Variants in ZNF536 observed in about 807,000 individuals in gnomAD.
The protein encoded by ZNF536 is zinc finger protein 536.
Under a neutral mutation model 84.5 loss-of-function variants are expected in ZNF536, and 13 were observed. The ratio of observed to expected loss-of-function variants is 0.15; its 90% confidence interval spans 0.10 to 0.24. ZNF536 has a LOEUF of 0.24. Among genes scored for constraint, ZNF536 ranks in the 10% least tolerant of loss-of-function variants. The pLI is 1.00. For synonymous variants in ZNF536, 811 were observed against 742.5 expected (o/e 1.09, Z -1.50); for missense variants, 1,536 against 1,747.5 (o/e 0.88, Z 2.16).
chr19:30,415,314 C>CCTT (rs893357793), intron 1 of ZNF536, among the ~76,000 whole-genome samples: 7 of 133,890 alleles, frequency 5.2e-5, no homozygotes, highest in African/African-American at 1.9e-4. Context: ...TTCTCCTTCT[C>CCTT]CTTCTTCTTC....
At chr19:30,513,634 C>A (rs553122326) in intron 2 of ZNF536, among the ~76,000 whole-genome samples, 1 of 152,164 alleles carries the variant, frequency 6.6e-6, no homozygotes, top group South Asian at 2.1e-4. Flanking sequence ...ATGAACCAGG[C>A]TACAACAGGG....
chr19:30,324,818 A>G (rs1397811843), intron 2 of ZNF536, among the ~76,000 whole-genome samples: 1 of 152,126 alleles, frequency 6.6e-6, no homozygotes, highest in Non-Finnish European at 1.5e-5. Flanking sequence ...CTCCCCTGAT[A>G]TTTATATACA....
intron 2 of ZNF536, among the ~76,000 whole-genome samples, chr19:30,302,938 A>G (rs962749022): frequency 6.6e-6 from 1 of 152,118 alleles, no homozygotes. Flanking sequence ...CCCCTGCTGA[A>G]CTATAAACTC....
intron 2 of ZNF536, among the ~76,000 whole-genome samples, chr19:30,289,567 A>G (rs544182085): frequency 1.7e-4 from 26 of 152,288 alleles, no homozygotes; most frequent in African/African-American, 6.0e-4. Flanking sequence ...CATGGGATGC[A>G]AGGGTTAGCT....
chr19:30,227,271 C>G (rs2022665669), upstream of ZNF536, among the ~76,000 whole-genome samples: 1 of 152,084 alleles, frequency 6.6e-6, no homozygotes, highest in Non-Finnish European at 1.5e-5. Context: ...TAAGTCCCCC[C>G]CTTTTCACTT....
chr19:30,558,248 T>C (rs2046034321), downstream of ZNF536, among the ~76,000 whole-genome samples: 1 of 152,094 alleles, frequency 6.6e-6, no homozygotes, highest in Non-Finnish European at 1.5e-5. Context: ...TAACAATTCA[T>C]AAACATGCAA....
intron 2 of ZNF536, among the ~76,000 whole-genome samples, chr19:30,482,021 T>C (rs2054110040): frequency 6.6e-6 from 1 of 152,260 alleles, no homozygotes; most frequent in Admixed American, 6.5e-5. Flanking sequence ...TGAGTAGTAT[T>C]CCATGGTGTA....
chr19:30,574,118 C>T (rs1053862159), intron 1 of ZNF536, among the ~76,000 whole-genome samples: 1 of 152,184 alleles, frequency 6.6e-6, no homozygotes, highest in African/African-American at 2.4e-5. Flanking sequence ...ATACTAGCTG[C>T]AATAGTATCT....
intron 2 of ZNF536, among the ~76,000 whole-genome samples, chr19:30,307,502 TCTAAC>T (rs2146030163): frequency 6.6e-6 from 1 of 152,280 alleles, no homozygotes; most frequent in South Asian, 2.1e-4. Flanking sequence ...TAAGGAGAGC[TCTAAC>T]AGAGGGTATG....
At chr19:30,656,398 A>G (rs977905668) in intron 1 of ZNF536, among the ~76,000 whole-genome samples, 1 of 152,234 alleles carries the variant, frequency 6.6e-6, no homozygotes, top group Non-Finnish European at 1.5e-5. Context: ...TTAAAACAAT[A>G]TGAAAACTCT....
intron 3 of ZNF536, among the ~76,000 whole-genome samples, chr19:30,361,364 CT>C (rs149691531): frequency 9.3e-5 from 14 of 149,994 alleles, no homozygotes; most frequent in East Asian, 3.9e-4. Context: ...CTTTTCTTTT[CT>C]TTTTTTTTAA....
intron 1 of ZNF536, among the ~76,000 whole-genome samples, chr19:30,388,509 C>T (rs192935141): frequency 3.9e-5 from 6 of 152,282 alleles, no homozygotes; most frequent in Admixed American, 1.3e-4. Context: ...GACCACCCAG[C>T]GGTGGCCATG....
chr19:30,480,155 G>A (rs1475938860), intron 2 of ZNF536, among the ~76,000 whole-genome samples: 2 of 152,166 alleles, frequency 1.3e-5, no homozygotes, highest in Non-Finnish European at 2.9e-5. Flanking sequence ...CGGTTCCATG[G>A]TGCCAATTTC....
chr19:30,544,973 A>G (rs759769427), intron 3 of ZNF536, among the ~76,000 whole-genome samples: 41 of 152,214 alleles, frequency 2.7e-4, no homozygotes, highest in Admixed American at 3.3e-4. Context: ...CCTGAGGTCT[A>G]GACTGTCTTC....
At chr19:30,486,629 G>C (rs1343369085) in intron 2 of ZNF536, among the ~76,000 whole-genome samples, 1 of 152,146 alleles carries the variant, frequency 6.6e-6, no homozygotes, top group Non-Finnish European at 1.5e-5. Flanking sequence ...TAATGAGATT[G>C]CTGGGTCAAA....
chr19:30,239,305 ACT>A (rs1171225866), intron 1 of ZNF536, among the ~76,000 whole-genome samples: 1 of 151,966 alleles, frequency 6.6e-6, no homozygotes, highest in Non-Finnish European at 1.5e-5. Flanking sequence ...TTCTGAGAAC[ACT>A]CTCTGTCTTT....
intron 2 of ZNF536, among the ~76,000 whole-genome samples, chr19:30,529,831 G>A (rs148180356): frequency 1.7e-3 from 254 of 152,290 alleles, no homozygotes; most frequent in African/African-American, 5.9e-3. Flanking sequence ...AGTCTAGGAG[G>A]GTTGCAAATA....
At chr19:30,650,118 C>T (rs1256826970) in intron 1 of ZNF536, among the ~76,000 whole-genome samples, 14 of 152,168 alleles carry the variant, frequency 9.2e-5, no homozygotes, top group Non-Finnish European at 1.9e-4. Context: ...TTTACATTTA[C>T]GTCAAAAATT....
chr19:30,428,670 G>A (rs187050733), intron 1 of ZNF536, among the ~76,000 whole-genome samples: 29 of 152,046 alleles, frequency 1.9e-4, no homozygotes, highest in African/African-American at 4.3e-4. Context: ...GCACCTGGAG[G>A]TGGGGGTGGG....
Sources: gnomAD v4.1 joint callset for allele counts (sites outside exome capture counted in the v4.1 genomes callset) on GRCh38, gnomAD v4.1.1 for gene constraint, MANE v1.5 for transcripts, NCBI Gene and HGNC (gene_info 2026-07-23, HGNC 2026-07-21) for gene names.